MYO16: variants seen among roughly 807,000 people sequenced by gnomAD.
MYO16 encodes unconventional myosin-XVI.
A neutral mutation model predicts 205.3 loss-of-function variants in MYO16; 94 were observed. That is an observed-to-expected ratio of 0.46 (90% CI 0.39 to 0.54). MYO16 has a LOEUF of 0.54. Among genes scored for constraint, MYO16 ranks in the 20% least tolerant of loss-of-function variants. The pLI, the probability that MYO16 is intolerant of heterozygous loss-of-function variation, is 0.00. For missense variants in MYO16, 2,315 were observed against 2,387.5 expected, an observed-to-expected ratio of 0.97 and a Z score of 0.63; for synonymous variants, 988 against 954.0, an observed-to-expected ratio of 1.04 and a Z score of -0.66.
intron 23 of MYO16, among the ~76,000 whole-genome samples, chr13:109,043,525 A>G (rs1886946829): frequency 1.3e-5 from 2 of 152,208 alleles, no homozygotes; most frequent in African/African-American, 2.4e-5. Context: ...GGTTCTGAAC[A>G]GGAGAAATGA....
intron 10 of MYO16, 27 bp from the exon 11 acceptor site, chr13:108,855,416 T>C (rs1878114919): frequency 2.1e-6 from 3 of 1,409,270 alleles, no homozygotes; most frequent in East Asian, 2.3e-5. Context: ...GCAATTAGAA[T>C]TGATCATACT....
Position 109,027,981 on chromosome 13 carries a change from T to C in MYO16, c.2796+8070T>C, listed in dbSNP as rs148001280. 1.0e-3 allele frequency among the ~76,000 whole-genome samples: 155 copies of C among 152,208 alleles called. 3 individuals are homozygous for C. The highest frequency in any genetic ancestry group is 1.1e-3 in the Non-Finnish European group (78 of 68,002). The stretch of plus-strand genomic sequence containing the variant: ...AAGTGGTAAAGTGTCCTTGACTTGT[T>C]TAAAAAAAACAGAGTCAATTCTTTT... On this transcript the variant is annotated intron_variant, in intron 23 of 34. Transcript: ENST00000457511.
chr13:108,510,461 G>GTTTTTTGTTTTTTTTTTTTT, the MYO16 span, among the ~76,000 whole-genome samples: 1 of 45,924 alleles, frequency 2.2e-5, no homozygotes, highest in Admixed American at 2.7e-4. Flanking sequence ...ATTGATAGCT[G>GTTTTTTGTTTTTTTTTTTTT]TTTTTTTTTT....
chr13:108,678,366 A>C (rs1882320387), intron 2 of MYO16, among the ~76,000 whole-genome samples: 1 of 152,188 alleles, frequency 6.6e-6, no homozygotes, highest in South Asian at 2.1e-4. Flanking sequence ...TATTCACAGA[A>C]GGGGAAAAGA....
intron 27 of MYO16, among the ~76,000 whole-genome samples, chr13:109,072,527 C>G (rs1158041575): frequency 6.6e-6 from 1 of 151,824 alleles, no homozygotes; most frequent in East Asian, 1.9e-4. Context: ...CCAGGGAATC[C>G]TCTTTTTCTT....
rs531757673 is a variant in MYO16 at position 109,152,672 on chromosome 13, C to T, written c.5164+11296C>T. Among the ~76,000 whole-genome samples, 296 of 152,290 alleles carry T rather than the reference C, an allele frequency of 1.9e-3. 3 individuals carry two copies. The highest frequency in any genetic ancestry group is 6.9e-3 in the African/African-American group (288 of 41,558). ...TTTCTGCGGGGATTGAGCATGTCTT[C>T]GGAACCCTCTGCAATAGCTTTAGAA... On this transcript the variant is annotated intron_variant, in intron 32 of 34. Coordinates refer to ENST00000457511, the MANE Select transcript of MYO16 (RefSeq NM_001198950.3).
At chr13:108,576,094 C>T in the MYO16 span, among the ~76,000 whole-genome samples, 31,039 of 151,952 alleles carry the variant, frequency 0.2, 3,210 homozygotes, top group Middle Eastern at 0.22. Context: ...GATTTGAACA[C>T]GTAAGTCATG....
chr13:108,798,329 A>G (rs1886853055), intron 6 of MYO16, among the ~76,000 whole-genome samples: 1 of 152,238 alleles, frequency 6.6e-6, no homozygotes, highest in African/African-American at 2.4e-5. Flanking sequence ...TGTTATGTGC[A>G]AAAGAGAGGA....
At position 109,125,993 on chromosome 13, in the gene MYO16, C is replaced by T. The variant is rs531600680; in HGVS notation, c.3782+635C>T. Among the ~76,000 whole-genome samples, 74 of 152,266 alleles carry T rather than the reference C, an allele frequency of 4.9e-4. No individual in the cohort carries two copies. The highest frequency in any genetic ancestry group is 1.7e-3 in the Admixed American group (26 of 15,288). On this transcript the variant is annotated intron_variant, in intron 30 of 34. Coordinates refer to ENST00000457511, the MANE Select transcript of MYO16 (RefSeq NM_001198950.3). The surrounding 1 kb of genome is among the most constrained non-coding windows in gnomAD (Gnocchi z 4.0). ...TCTCTCTGTGAATGATGAAGACACC[C>T]GTGAATCACAACACCCCTAAGAGGG...
intron 20 of MYO16, among the ~76,000 whole-genome samples, chr13:108,981,703 G>A (rs1370773202): frequency 6.6e-6 from 1 of 152,218 alleles, no homozygotes; most frequent in Non-Finnish European, 1.5e-5. Context: ...GCGGCCCAAG[G>A]TGACACACAC....
intron 16 of MYO16, among the ~76,000 whole-genome samples, chr13:108,919,617 G>A (rs898839454): frequency 2.0e-5 from 3 of 152,186 alleles, no homozygotes; most frequent in African/African-American, 7.2e-5. Context: ...TACCTTCAGG[G>A]TATAAAAGGG....
intron 31 of MYO16, among the ~76,000 whole-genome samples, chr13:109,134,594 T>A (rs1279964655): frequency 6.6e-6 from 1 of 152,218 alleles, no homozygotes; most frequent in Non-Finnish European, 1.5e-5. Context: ...TCTCTCTGTC[T>A]GTGTGGTCTC....
At chr13:109,060,043 G>A (rs1887540335) in intron 27 of MYO16, among the ~76,000 whole-genome samples, 1 of 152,160 alleles carries the variant, frequency 6.6e-6, no homozygotes, top group Admixed American at 6.5e-5. Context: ...TGGTGGCAGT[G>A]TAAATTAGTT....
intron 34 of MYO16, among the ~76,000 whole-genome samples, chr13:109,184,491 A>T (rs1165916306): frequency 6.6e-6 from 1 of 152,264 alleles, no homozygotes; most frequent in Non-Finnish European, 1.5e-5. Context: ...ATAAGTGTAT[A>T]TAAATGCACA....
At chr13:108,760,970 G>T (rs1045711065) in intron 4 of MYO16, among the ~76,000 whole-genome samples, 4 of 152,138 alleles carry the variant, frequency 2.6e-5, no homozygotes, top group African/African-American at 9.7e-5. Flanking sequence ...ATAATGACCT[G>T]TATTTCCATC....
chr13:108,899,440 A>T (rs1317927817), intron 15 of MYO16, among the ~76,000 whole-genome samples: 1 of 152,174 alleles, frequency 6.6e-6, no homozygotes, highest in Non-Finnish European at 1.5e-5. Context: ...AAAAAAAGAA[A>T]GAAAGAAAAG....
intron 4 of MYO16, among the ~76,000 whole-genome samples, chr13:108,781,787 T>G (rs1886312696): frequency 1.3e-5 from 2 of 152,198 alleles, no homozygotes; most frequent in Admixed American, 1.3e-4. Context: ...TTTCCTGTGC[T>G]GGTCTCATGA....
At chr13:108,846,828 T>C (rs1200980158) in intron 10 of MYO16, among the ~76,000 whole-genome samples, 1 of 152,182 alleles carries the variant, frequency 6.6e-6, no homozygotes, top group Non-Finnish European at 1.5e-5. Flanking sequence ...AATCTCAGGC[T>C]AATTGATTTC....
the MYO16 span, among the ~76,000 whole-genome samples, chr13:108,553,323 C>A: frequency 6.6e-6 from 1 of 152,100 alleles, no homozygotes; most frequent in Non-Finnish European, 1.5e-5. Context: ...TAAGCTTCAA[C>A]GTGAGTTTTA....
Sources: gnomAD v4.1 joint callset for allele counts (sites outside exome capture counted in the v4.1 genomes callset) on GRCh38, gnomAD v4.1.1 for gene constraint, Gnocchi (gnomAD v3.1) non-coding constraint, MANE v1.5 for transcripts, NCBI Gene and HGNC (gene_info 2026-07-23, HGNC 2026-07-21) for gene names.